PSMG2: variants seen among roughly 807,000 people sequenced by gnomAD.
PSMG2 encodes proteasome assembly chaperone 2.
In PSMG2, 21 loss-of-function variants were observed where a neutral mutation model predicts 31.5. The observed-to-expected ratio is 0.67, with a 90% CI of 0.47 to 0.96. The LOEUF (loss-of-function observed/expected upper bound fraction) is 0.96, where lower values mean the gene tolerates loss of function less well. PSMG2 is among the 40% of genes least tolerant of loss of function. The pLI is 0.00. For missense variants in PSMG2, 318 were observed against 321.2 expected (o/e 0.99, Z 0.08); for synonymous variants, 120 against 110.4 (o/e 1.09, Z -0.54).
At chr18:12,708,474 C>T (rs1217854621) in intron 2 of PSMG2, among the ~76,000 whole-genome samples, 1 of 151,924 alleles carries the variant, frequency 6.6e-6, no homozygotes, top group African/African-American at 2.4e-5. Flanking sequence ...AGGCAGTTCT[C>T]CTGCCTCAGC....
At chr18:12,675,974 T>C (rs1417449267) in intron 1 of PSMG2, among the ~76,000 whole-genome samples, 2 of 152,088 alleles carry the variant, frequency 1.3e-5, no homozygotes, top group African/African-American at 4.8e-5. Flanking sequence ...CAGCCCATGA[T>C]TCCATTTATA....
chr18:12,697,061 C>A (rs1254050859), intron 1 of PSMG2, among the ~76,000 whole-genome samples: 1 of 152,188 alleles, frequency 6.6e-6, no homozygotes, highest in Non-Finnish European at 1.5e-5. Context: ...TTCTTCAAGA[C>A]ATTTCTCAAG....
At chr18:12,725,330 A>C (rs2040466099) in intron 6 of PSMG2, 109 bp from the exon 7 acceptor site, 7 of 799,830 alleles carry the variant, frequency 8.8e-6, no homozygotes, top group South Asian at 6.9e-5. Context: ...AAACCTGGCT[A>C]TAAAAGTGCC....
intron 3 of PSMG2, among the ~76,000 whole-genome samples, chr18:12,717,150 T>C (rs1395831487): frequency 6.6e-6 from 1 of 151,084 alleles, no homozygotes; most frequent in African/African-American, 2.4e-5. Context: ...GGTCTCACTA[T>C]ATTGCCTAGG....
At chr18:12,712,626 A>G (rs1239616868) in intron 2 of PSMG2, 76 bp from the exon 3 acceptor site, 9 of 1,073,828 alleles carry the variant, frequency 8.4e-6, no homozygotes, top group Admixed American at 2.0e-5. Context: ...TTATAATTCA[A>G]TTTTTGTTTA....
chr18:12,707,228 G>A (rs1448735728), intron 2 of PSMG2, among the ~76,000 whole-genome samples: 1 of 152,158 alleles, frequency 6.6e-6, no homozygotes, highest in African/African-American at 2.4e-5. Flanking sequence ...AAAGTGCTGG[G>A]ATTACAGGTG....
In PSMG2 at chr18:12,686,436, T is replaced by A. The variant is rs191879338; in HGVS notation, c.-36-20114T>A. 120 of 1,609,666 alleles carry A rather than the reference T, an allele frequency of 7.5e-5. 1 individual carries two copies. The Middle Eastern group carries it at 8.3e-4, about 11-fold the overall frequency. ...TAACATAGGAACAGACTGGTCTATTTATCCCATTTTCATCCTAGGGAAAAG... is the reference window on the plus strand; with the variant it reads ...TAACATAGGAACAGACTGGTCTATTAATCCCATTTTCATCCTAGGGAAAAG... On this transcript the variant is annotated intron_variant, in intron 1 of 6. Coordinates refer to the PSMG2 transcript ENST00000585331.
At chr18:12,717,701 T>C (rs1244002055) in intron 3 of PSMG2, among the ~76,000 whole-genome samples, 1 of 152,258 alleles carries the variant, frequency 6.6e-6, no homozygotes, top group Non-Finnish European at 1.5e-5. Context: ...ATTTGGCTGT[T>C]ACATCTTTTT....
intron 1 of PSMG2, among the ~76,000 whole-genome samples, chr18:12,703,682 CTG>C (rs1353257591): frequency 6.6e-6 from 1 of 152,156 alleles, no homozygotes; most frequent in Non-Finnish European, 1.5e-5. Context: ...AGAATTTACA[CTG>C]TAGTTGGAAA....
At chr18:12,701,128 CAT>C (rs754358270), upstream of PSMG2, 1 of 1,596,998 alleles carries the variant, frequency 6.3e-7, no homozygotes, top group Non-Finnish European at 8.5e-7. Context: ...GTAGAAAACT[CAT>C]ATTACAATTT....
intron 1 of PSMG2, among the ~76,000 whole-genome samples, chr18:12,687,694 C>G (rs2039592369): frequency 6.6e-6 from 1 of 151,578 alleles, no homozygotes; most frequent in African/African-American, 2.4e-5. Context: ...CTCAAGTGAT[C>G]CGCCCACCTC....
At chr18:12,662,352 A>G (rs1224966253) in intron 1 of PSMG2, among the ~76,000 whole-genome samples, 1 of 152,252 alleles carries the variant, frequency 6.6e-6, no homozygotes, top group Non-Finnish European at 1.5e-5. Flanking sequence ...CTTACAGAAG[A>G]GAAAATACAG....
At chr18:12,702,730 CCGGCGG>C (rs1170610508), upstream of PSMG2, 4 of 650,756 alleles carry the variant, frequency 6.1e-6, no homozygotes, top group Non-Finnish European at 1.0e-5. Context: ...AAATGAGGCC[CCGGCGG>C]CGGCGGCGCC....
At chr18:12,700,893 TAAG>T, upstream of PSMG2, 1 of 1,342,886 alleles carries the variant, frequency 7.4e-7, no homozygotes, top group Admixed American at 2.1e-5. Flanking sequence ...CGGAACCTTA[TAAG>T]TAGTGTTACG....
intron 1 of PSMG2, among the ~76,000 whole-genome samples, chr18:12,705,568 A>AGTGTGTGTGTGTGT (rs1356391959): frequency 7.9e-6 from 1 of 126,738 alleles, no homozygotes; most frequent in African/African-American, 3.0e-5. Context: ...AGAGAGAGAG[A>AGTGTGTGTGTGTGT]GAGAGAGAGT....
chr18:12,693,468 G>C (rs1368681894), intron 1 of PSMG2, among the ~76,000 whole-genome samples: 1 of 151,910 alleles, frequency 6.6e-6, no homozygotes, highest in Non-Finnish European at 1.5e-5. Context: ...CCCCAAAAAA[G>C]TAGAGCCCAA....
intron 1 of PSMG2, among the ~76,000 whole-genome samples, chr18:12,671,731 T>C (rs151014562): frequency 8.1e-5 from 12 of 148,528 alleles, no homozygotes; most frequent in Non-Finnish European, 1.8e-4. Flanking sequence ...TCACCACCTC[T>C]GTGGACTCAA....
At chr18:12,669,441 T>G (rs2038884694) in intron 1 of PSMG2, among the ~76,000 whole-genome samples, 1 of 151,912 alleles carries the variant, frequency 6.6e-6, no homozygotes, top group Non-Finnish European at 1.5e-5. Context: ...AGAGATGCCA[T>G]CTCACTATGT....
intron 1 of PSMG2, among the ~76,000 whole-genome samples, chr18:12,669,868 A>G (rs2038896828): frequency 1.3e-5 from 2 of 151,866 alleles, no homozygotes; most frequent in African/African-American, 4.8e-5. Flanking sequence ...GTGGTGGCGC[A>G]TGCCTGTAAT....
Sources: allele counts gnomAD v4.1 joint callset (sites outside exome capture counted in the v4.1 genomes callset), GRCh38; gene constraint gnomAD v4.1.1; transcripts MANE v1.5; gene names NCBI Gene and HGNC (gene_info 2026-07-23, HGNC 2026-07-21).